COL5A2: variants seen among roughly 807,000 people sequenced by gnomAD.
COL5A2 encodes collagen type V alpha 2 chain.
COL5A2 carries 23 observed loss-of-function variants against 208.2 expected under a neutral mutation model. The observed-to-expected ratio is 0.11, with a 90% CI of 0.08 to 0.16. The LOEUF is 0.16. Ranked by LOEUF, COL5A2 falls within the 10% of genes least tolerant of loss-of-function variation. The probability of loss-of-function intolerance (pLI) is 1.00; values close to 1 mark genes in which losing one functional copy is unlikely to be tolerated. For missense variants in COL5A2, 1,590 were observed against 1,956.4 expected (o/e 0.81, Z 3.53); for synonymous variants, 625 against 628.5 (o/e 0.99, Z 0.08).
At chr2:189,084,937 T>C (rs1157458353) in intron 11 of COL5A2, among the ~76,000 whole-genome samples, 1 of 152,150 alleles carries the variant, frequency 6.6e-6, no homozygotes, top group Non-Finnish European at 1.5e-5. Flanking sequence ...ACCCAGGGAA[T>C]TCAGGAAGAG....
the COL5A2 span, among the ~76,000 whole-genome samples, chr2:189,313,487 C>T: frequency 2.0e-5 from 3 of 152,192 alleles, no homozygotes; most frequent in African/African-American, 7.2e-5. Flanking sequence ...ATTACAAAAA[C>T]ACACTGAAGT....
intron 1 of COL5A2, among the ~76,000 whole-genome samples, chr2:189,111,232 ATG>A (rs1202173681): frequency 1.3e-5 from 2 of 149,072 alleles, no homozygotes; most frequent in East Asian, 2.0e-4. Flanking sequence ...ACACATATAT[ATG>A]TGTGTGTGTG....
intron 40 of COL5A2, among the ~76,000 whole-genome samples, chr2:189,052,526 T>C (rs554593067): frequency 1.4e-4 from 21 of 152,350 alleles, no homozygotes; most frequent in Admixed American, 1.1e-3. Flanking sequence ...ATAGGTAGTA[T>C]GTTACTTACA....
At chr2:189,348,817 A>C in the COL5A2 span, among the ~76,000 whole-genome samples, 3 of 152,176 alleles carry the variant, frequency 2.0e-5, no homozygotes, top group African/African-American at 7.2e-5. Flanking sequence ...AGCTGCATGC[A>C]CATCACACAG....
At chr2:189,095,636 G>A (rs1372345613) in intron 6 of COL5A2, among the ~76,000 whole-genome samples, 1 of 152,076 alleles carries the variant, frequency 6.6e-6, no homozygotes, top group African/African-American at 2.4e-5. Flanking sequence ...AGAAGGGTTG[G>A]GGAGTAGATT....
Position 189,066,722 on chromosome 2 carries a change from AC to A in COL5A2, c.1455+6del, listed in dbSNP as rs763475800. ...TTCTACTTATCATTAAAACAATGAA[AC>A]CTTACTGGTTCCCCTTTTGGGCCAG... On this transcript the variant is annotated splice_donor_region_variant and intron_variant, in intron 22 of 53. Coordinates refer to ENST00000374866, the MANE Select transcript of COL5A2 (RefSeq NM_000393.5). 8 of 1,611,130 alleles carry A rather than the reference AC, an allele frequency of 5.0e-6. No individual in the cohort carries two copies. Among genetic ancestry groups the A allele is most frequent in the Non-Finnish European group, 6.8e-6 (8 of 1,177,410 alleles).
the COL5A2 span, among the ~76,000 whole-genome samples, chr2:189,240,092 C>T: frequency 1.2e-4 from 18 of 152,228 alleles, no homozygotes; most frequent in South Asian, 1.0e-3. Flanking sequence ...TAATGATATA[C>T]GTGAGCCAAA....
the COL5A2 span, among the ~76,000 whole-genome samples, chr2:189,377,545 A>G: frequency 6.6e-6 from 1 of 152,230 alleles, no homozygotes; most frequent in Admixed American, 6.5e-5. Flanking sequence ...TTTTGAATGA[A>G]TAAATGTTTG....
rs765627984 is a variant in COL5A2 at position 189,104,274 on chromosome 2, C to T, written c.326G>A (p.Arg109Lys). ...CAAAGTAACACTTACCTTTCTTCCT[C>T]TACCTGTAAAAAGAAAAGAGTAAAT... The part of the protein sequence containing the change: ...TPGGGNTNFG[R>K]GRKGQKGEPG... Residue 109 changes from arginine (R) to lysine (K), a missense_variant, in exon 3 of 54, where the codon AGA (arginine) becomes AAA (lysine). Transcript: ENST00000374866. 3 of 1,507,510 alleles carry T rather than the reference C, an allele frequency of 2.0e-6. No individual in the cohort carries two copies. The highest frequency in any genetic ancestry group is 2.8e-6 in the Non-Finnish European group (3 of 1,085,372). 93.4% of individuals were successfully genotyped at this position (1,507,510 alleles called of 1,614,324 possible). A position where few individuals can be genotyped will look rare whatever the true frequency, so the allele number is the denominator to read the frequency against.
intron 1 of COL5A2, among the ~76,000 whole-genome samples, chr2:189,224,426 C>T (rs1052099328): frequency 6.6e-5 from 10 of 152,096 alleles, no homozygotes; most frequent in Non-Finnish European, 1.5e-4. Context: ...CGGTGACTCA[C>T]GCCTGTAATC....
At chr2:189,283,742 A>C in the COL5A2 span, among the ~76,000 whole-genome samples, 1 of 152,174 alleles carries the variant, frequency 6.6e-6, no homozygotes, top group Non-Finnish European at 1.5e-5. Flanking sequence ...AAAGACATTA[A>C]ATATAGAGGA....
the COL5A2 span, among the ~76,000 whole-genome samples, chr2:189,236,233 A>T: frequency 7.3e-5 from 11 of 151,674 alleles, no homozygotes; most frequent in Admixed American, 7.2e-4. Context: ...CATAACCATG[A>T]GCATGACTCT....
chr2:189,385,478 CA>C, the COL5A2 span, among the ~76,000 whole-genome samples: 1 of 152,034 alleles, frequency 6.6e-6, no homozygotes, highest in African/African-American at 2.4e-5. Context: ...AGAGGCAGCA[CA>C]AATAAATGGG....
intron 1 of COL5A2, among the ~76,000 whole-genome samples, chr2:189,198,458 A>T (rs1167844909): frequency 2.0e-5 from 3 of 152,166 alleles, no homozygotes; most frequent in African/African-American, 7.2e-5. Flanking sequence ...ATAGCAAAAG[A>T]GGAGACATTT....
intron 1 of COL5A2, among the ~76,000 whole-genome samples, chr2:189,197,830 G>A (rs1242227939): frequency 2.7e-5 from 4 of 147,376 alleles, no homozygotes; most frequent in East Asian, 2.1e-4. Context: ...CCTCTTACGT[G>A]GCAAAAGTTT....
chr2:189,309,034 C>A, the COL5A2 span, among the ~76,000 whole-genome samples: 1 of 152,132 alleles, frequency 6.6e-6, no homozygotes, highest in East Asian at 1.9e-4. Flanking sequence ...CTCTCTTGGG[C>A]AGCTCTGCTT....
the COL5A2 span, among the ~76,000 whole-genome samples, chr2:189,317,475 T>G: frequency 4.2e-4 from 64 of 152,272 alleles, no homozygotes; most frequent in African/African-American, 1.4e-3. Flanking sequence ...TACTGTTAGG[T>G]TCTGAGATTT....
At chr2:189,043,052 A>C (rs1255518081) in intron 48 of COL5A2, 99 bp downstream of exon 48, 7 of 910,016 alleles carry the variant, frequency 7.7e-6, no homozygotes, top group Non-Finnish European at 1.1e-5. Flanking sequence ...AATAAGATAC[A>C]AACATATCCA....
upstream of COL5A2, among the ~76,000 whole-genome samples, chr2:189,227,981 T>C (rs1689440011): frequency 6.6e-6 from 1 of 151,958 alleles, no homozygotes; most frequent in Non-Finnish European, 1.5e-5. Context: ...TATAGGTATC[T>C]CTTCTGATCA....
Sources: gnomAD v4.1 joint callset for allele counts (sites outside exome capture counted in the v4.1 genomes callset) on GRCh38, gnomAD v4.1.1 for gene constraint, MANE v1.5 for transcripts, NCBI Gene and HGNC (gene_info 2026-07-23, HGNC 2026-07-21) for gene names.